ABI1: variants seen among roughly 807,000 people sequenced by gnomAD.
The protein encoded by ABI1 is abl interactor 1, also known as Abelson interactor 1.
A neutral mutation model predicts 54.6 loss-of-function variants in ABI1; 14 were observed. The observed-to-expected ratio is 0.26, with a 90% confidence interval of 0.17 to 0.40. The LOEUF (loss-of-function observed/expected upper bound fraction) is 0.40, where lower values mean the gene tolerates loss of function less well. Ranked by LOEUF, ABI1 falls within the 10% of genes least tolerant of loss-of-function variation. The probability of loss-of-function intolerance (pLI) is 1.00; values close to 1 mark genes in which losing one functional copy is unlikely to be tolerated. For missense variants in ABI1, 443 were observed against 598.3 expected, an observed-to-expected ratio of 0.74 and a Z score of 2.71; for synonymous variants, 194 against 209.3, an observed-to-expected ratio of 0.93 and a Z score of 0.63.
At chr10:26,839,394 G>T (rs2049321879) in intron 1 of ABI1, among the ~76,000 whole-genome samples, 1 of 152,104 alleles carries the variant, frequency 6.6e-6, no homozygotes, top group African/African-American at 2.4e-5. Context: ...TACTGGGGAG[G>T]CTGAGGTGGG....
At chr10:26,773,215 C>CTTTTTTTTTTTTTTTTTTTTTTT (rs58739177) in intron 3 of ABI1, among the ~76,000 whole-genome samples, 1,072 of 92,392 alleles carry the variant, frequency 0.012, 237 homozygotes, top group African/African-American at 0.024. Flanking sequence ...AATGCTAATT[C>CTTTTTTTTTTTTTTTTTTTTTTT]TTTTTTTTTT....
intron 1 of ABI1, among the ~76,000 whole-genome samples, chr10:26,834,424 T>C (rs1213977738): frequency 2.0e-5 from 3 of 151,744 alleles, no homozygotes; most frequent in African/African-American, 7.3e-5. Context: ...TTGCAAACTA[T>C]CCATCTGACA....
At chr10:26,820,448 G>A (rs1274601966) in intron 2 of ABI1, among the ~76,000 whole-genome samples, 7 of 151,952 alleles carry the variant, frequency 4.6e-5, no homozygotes, top group East Asian at 3.9e-4. Context: ...TGCAAAACCT[G>A]AAAATACTTG....
Position 26,818,631 on chromosome 10 carries a change from C to CAAAAAAA in ABI1, c.285+4500_285+4506dup, listed in dbSNP as rs376157276. On this transcript the variant is annotated intron_variant, in intron 2 of 10. Transcript: ENST00000376140. ...TGGACAACAAAGCGAGACCCCGTCACAAAAAAAAAAAAAAAAAAGAGCAAA... is the reference window on the plus strand; with the variant it reads ...TGGACAACAAAGCGAGACCCCGTCACAAAAAAAAAAAAAAAAAAAAAAAAAGAGCAAA... Among the ~76,000 whole-genome samples the CAAAAAAA allele has an allele frequency of 5.6e-3, 411 of 72,896 alleles. 22 individuals are homozygous for CAAAAAAA. Among genetic ancestry groups the CAAAAAAA allele is most frequent in the African/African-American group, 0.018 (323 of 18,114 alleles). The allele number at this position is 72,896 out of a possible 152,430, so 47.8% of individuals were successfully genotyped here.
At position 26,823,290 on chromosome 10, in the gene ABI1, T is replaced by G. The variant is rs1475617355; in HGVS notation, c.133A>C (p.Lys45Gln). The change falls in exon 2 of 11, where the codon AAA (lysine) becomes CAA (glutamine). Residue 45 changes from lysine (K) to glutamine (Q), a missense_variant. Physicochemically the swap from Lys to Gln is moderately conservative, Grantham distance 53 (BLOSUM62 1). Coordinates refer to ENST00000376140, the MANE Select transcript of ABI1 (RefSeq NM_001012750.3). Reference sequence around the variant, plus strand: ...TAGGCTTTGGTCTCCTCTAAAGCTTTTCTCTTGTCTGTAGCCTGAAATAAG... The same window carrying G: ...TAGGCTTTGGTCTCCTCTAAAGCTTGTCTCTTGTCTGTAGCCTGAAATAAG... The part of the protein sequence containing the change: ...NNYIQATDKR[K>Q]ALEETKAYTT... 1.3e-6 allele frequency: 2 copies of G among 1,533,064 alleles called. No individual in the cohort carries two copies. The highest frequency in any genetic ancestry group is 1.3e-5 in the South Asian group (1 of 74,844). The allele number at this position is 1,533,064 out of a possible 1,614,324, so 95.0% of individuals were successfully genotyped here. A position where few individuals can be genotyped will look rare whatever the true frequency, so the allele number is the denominator to read the frequency against.
At chr10:26,749,760 C>G (rs1588731175) in intron 10 of ABI1, among the ~76,000 whole-genome samples, 1 of 152,306 alleles carries the variant, frequency 6.6e-6, no homozygotes, top group South Asian at 2.1e-4. Flanking sequence ...CCAAACCACG[C>G]AATTTTTGTA....
rs543325176 is a variant in ABI1 at position 26,810,707 on chromosome 10, G to T, written c.285+12431C>A. Among the ~76,000 whole-genome samples the T allele has an allele frequency of 7.9e-5, 12 of 152,218 alleles. No individual in the cohort carries two copies. In the South Asian group the frequency reaches 2.5e-3, roughly 32 times the overall value. Reference sequence around the variant, plus strand: ...GGGGAAGGACTAGATGTGGCTCATGGATCACAGTTTACGGACCCCTGCACT... The same window carrying T: ...GGGGAAGGACTAGATGTGGCTCATGTATCACAGTTTACGGACCCCTGCACT... On this transcript the variant is annotated intron_variant, in intron 2 of 10. Coordinates refer to ENST00000376140, the MANE Select transcript of ABI1 (RefSeq NM_001012750.3).
rs556382412 is a variant in ABI1 at position 26,817,268 on chromosome 10, G to A, written c.285+5870C>T. On this transcript the variant is annotated intron_variant, in intron 2 of 10. Transcript: ENST00000376140. ...ACTCACCTCAGCCTCCCAAAGTGCT[G>A]GGATTACAGGCCACCATGTCCGGCC... Among the ~76,000 whole-genome samples the A allele has an allele frequency of 3.8e-4, 58 of 152,152 alleles. No individual in the cohort carries two copies. In the South Asian group the frequency reaches 8.5e-3, roughly 22 times the overall value.
chr10:26,776,572 T>C (rs749802821), intron 3 of ABI1: 1 of 149,968 alleles, frequency 6.7e-6, no homozygotes, highest in African/African-American at 2.5e-5. Context: ...CTCCTGAAAA[T>C]CTGTTGGGGG....
intron 2 of ABI1, among the ~76,000 whole-genome samples, chr10:26,815,556 C>T (rs1012807659): frequency 5.3e-5 from 8 of 152,118 alleles, no homozygotes; most frequent in South Asian, 2.1e-4. Flanking sequence ...AGTTCTGATA[C>T]GCATGAATTT....
intron 2 of ABI1, among the ~76,000 whole-genome samples, chr10:26,805,892 G>T (rs2046846332): frequency 6.6e-6 from 1 of 152,202 alleles, no homozygotes. Context: ...CCTCAGCAAT[G>T]AAACCAAATC....
chr10:26,784,168 G>T (rs1276577812), intron 2 of ABI1, among the ~76,000 whole-genome samples: 2 of 152,132 alleles, frequency 1.3e-5, no homozygotes, highest in African/African-American at 4.8e-5. Context: ...ACTGACAACT[G>T]GGTCTGCCCC....
intron 1 of ABI1, among the ~76,000 whole-genome samples, chr10:26,834,434 AC>A (rs1282562122): frequency 6.6e-6 from 1 of 152,086 alleles, no homozygotes; most frequent in African/African-American, 2.4e-5. Flanking sequence ...TCCATCTGAC[AC>A]AGGACCAACA....
chr10:26,748,789 C>G (rs752764466), intron 10 of ABI1, 44 bp from the exon 11 acceptor site: 1 of 1,384,242 alleles, frequency 7.2e-7, no homozygotes, highest in Non-Finnish European at 1.0e-6. Context: ...GCACTATATC[C>G]AAAATTTACT....
intron 2 of ABI1, among the ~76,000 whole-genome samples, chr10:26,803,560 C>T (rs549270198): frequency 3.7e-4 from 56 of 152,198 alleles, no homozygotes; most frequent in African/African-American, 1.3e-3. Context: ...TTTCAATTTC[C>T]CAAATTTTGA....
intron 1 of ABI1, among the ~76,000 whole-genome samples, chr10:26,849,334 A>G (rs1244718966): frequency 6.6e-6 from 1 of 152,224 alleles, no homozygotes; most frequent in Non-Finnish European, 1.5e-5. Context: ...AAAAGGTTTA[A>G]AAAAGCCGGT....
chr10:26,857,950 A>T (rs1336118953), intron 1 of ABI1, among the ~76,000 whole-genome samples: 1 of 152,174 alleles, frequency 6.6e-6, no homozygotes, highest in East Asian at 1.9e-4. Flanking sequence ...GTTAAAAGTC[A>T]ACAGAACCAA....
intron 2 of ABI1, among the ~76,000 whole-genome samples, chr10:26,785,330 A>G (rs111393659): frequency 8.9e-4 from 136 of 152,302 alleles, no homozygotes; most frequent in African/African-American, 2.7e-3. Context: ...AACTTGCTAC[A>G]TATGTTTGTA....
rs35759617 is a variant in ABI1 at position 26,839,666 on chromosome 10, A to AAAAAT, written c.118-16362_118-16361insATTTT. The AAAAAT allele has an allele frequency of 4.7e-4, 300 of 632,332 alleles. 3 individuals carry two copies. Among genetic ancestry groups the AAAAAT allele is most frequent in the South Asian group, 3.6e-3 (196 of 55,062 alleles). The allele number at this position is 632,332 out of a possible 1,614,324, so 39.2% of individuals were successfully genotyped here. A position where few individuals can be genotyped will look rare whatever the true frequency, so the allele number is the denominator to read the frequency against. Reference sequence around the variant, plus strand: ...TACTTCTGTTTAAAAAAAAAAAAAAACATGCCAGGCTTGGTGGCTCACACC... The same window carrying AAAAAT: ...TACTTCTGTTTAAAAAAAAAAAAAAAAAAATCATGCCAGGCTTGGTGGCTCACACC... On this transcript the variant is annotated intron_variant, in intron 1 of 10. Coordinates refer to ENST00000376140, the MANE Select transcript of ABI1 (RefSeq NM_001012750.3).
Sources: gnomAD v4.1 joint callset for allele counts (sites outside exome capture counted in the v4.1 genomes callset) on GRCh38, gnomAD v4.1.1 for gene constraint, MANE v1.5 for transcripts, NCBI Gene and HGNC (gene_info 2026-07-23, HGNC 2026-07-21) for gene names.